Variants in CEP41 observed in about 807,000 individuals in gnomAD.
CEP41 encodes centrosomal protein of 41 kDa.
A neutral mutation model predicts 44.3 loss-of-function variants in CEP41; 32 were observed. The observed-to-expected ratio is 0.72, with a 90% CI of 0.54 to 0.97. CEP41 has a LOEUF of 0.97. Ranked by LOEUF, CEP41 falls within the 50% of genes least tolerant of loss-of-function variation. The pLI, the probability that CEP41 is intolerant of heterozygous loss-of-function variation, is 0.00. For synonymous variants in CEP41, 151 were observed against 168.5 expected (o/e 0.90, Z 0.80); for missense variants, 432 against 455.2 (o/e 0.95, Z 0.46).
At chr7:130,434,083 T>C (rs1797897154) in intron 1 of CEP41, among the ~76,000 whole-genome samples, 1 of 152,238 alleles carries the variant, frequency 6.6e-6, no homozygotes, top group Admixed American at 6.5e-5. Context: ...GAAAAAGTAT[T>C]CCAAGTGGAG....
chr7:130,400,807 G>C lies in CEP41; in HGVS notation c.657C>G (p.Gly219=). 1 of 1,610,528 alleles carries C rather than the reference G, an allele frequency of 6.2e-7. No homozygotes were observed. The highest frequency in any genetic ancestry group is 8.5e-7 in the Non-Finnish European group (1 of 1,177,770). The change falls in exon 9 of 11, where the codon GGC becomes GGG. Residue 219 remains glycine (G), a synonymous_variant. Transcript: ENST00000223208. The stretch of plus-strand genomic sequence containing the variant: ...CATCGTCATACAGAATGATGATCTT[G>C]CCATGGGCATTTTTCTAAGAGTCAG... ...NDILEYKNAH[G]KIIILYDDDE...
intron 10 of CEP41, 132 bp from the exon 11 acceptor site, chr7:130,399,171 A>G (rs1796765492): frequency 8.9e-7 from 1 of 1,120,936 alleles, no homozygotes; most frequent in East Asian, 2.4e-5. Flanking sequence ...TGCAGTATCT[A>G]CTTTAGGCCA....
chr7:130,438,387 C>G (rs1230386135), intron 1 of CEP41, among the ~76,000 whole-genome samples: 1 of 152,000 alleles, frequency 6.6e-6, no homozygotes, highest in African/African-American at 2.4e-5. Context: ...GGTAAAACCG[C>G]ATCTTTACAA....
chr7:130,422,822 T>G (rs956716876), intron 2 of CEP41, among the ~76,000 whole-genome samples: 4 of 152,216 alleles, frequency 2.6e-5, no homozygotes, highest in Non-Finnish European at 4.4e-5. Flanking sequence ...ATGGGGTAGA[T>G]GTACTTAGCT....
At chr7:130,421,092 AATT>A (rs1797495001) in intron 2 of CEP41, 1 of 984,214 alleles carries the variant, frequency 1.0e-6, no homozygotes, top group Non-Finnish European at 1.2e-6. Flanking sequence ...AAAACTTTAC[AATT>A]AGAATCAAGA....
intron 1 of CEP41, among the ~76,000 whole-genome samples, chr7:130,428,771 G>A (rs1797739474): frequency 6.6e-6 from 1 of 151,868 alleles, no homozygotes; most frequent in Admixed American, 6.6e-5. Context: ...AATTAGCTGG[G>A]CATGGTGATG....
intron 2 of CEP41, chr7:130,421,667 A>G (rs1168318746): frequency 1.5e-5 from 16 of 1,084,616 alleles, no homozygotes; most frequent in Non-Finnish European, 1.5e-5. Context: ...AATTTTTAAA[A>G]AGACAAAAAT....
intron 2 of CEP41, 27 bp downstream of exon 2, chr7:130,427,928 A>T (rs781995735): frequency 1.3e-5 from 20 of 1,507,120 alleles, no homozygotes; most frequent in African/African-American, 4.1e-5. Context: ...GATTTTTTTT[A>T]ATTCTAATTT....
At chr7:130,426,158 A>T (rs1554423425) in intron 2 of CEP41, among the ~76,000 whole-genome samples, 1 of 152,264 alleles carries the variant, frequency 6.6e-6, no homozygotes, top group African/African-American at 2.4e-5. Flanking sequence ...GGTAAAGCGT[A>T]CATGGAATCT....
rs1228862466 is a variant in CEP41, at chr7:130,400,344, TG to T, written c.758-91del. On this transcript the variant is annotated intron_variant, in intron 9 of 10. Transcript: ENST00000223208. ...AGAAGCCTGCATGTCTTCTAATCTCTGGTCATCAAGTTGAGGCCAACACAAG... is the reference window on the plus strand; with the variant it reads ...AGAAGCCTGCATGTCTTCTAATCTCTGTCATCAAGTTGAGGCCAACACAAG... 8.8e-6 allele frequency: 8 copies of T among 909,508 alleles called. No homozygotes were observed. In the African/African-American group the frequency reaches 1.3e-4, roughly 15 times the overall value. 56.3% of individuals were successfully genotyped at this position (909,508 alleles called of 1,614,324 possible).
At position 130,411,213 on chromosome 7, in the gene CEP41, T is replaced by C. The variant is rs561809679; in HGVS notation, c.208-22A>G. On this transcript the variant is annotated intron_variant, in intron 4 of 10. Transcript: ENST00000223208. Reference sequence around the variant, plus strand: ...TGATCTGATAGAAAAAAGAATGAAATGTGTGGATGTTTGTTTGTTTTTAAA... The same window carrying C: ...TGATCTGATAGAAAAAAGAATGAAACGTGTGGATGTTTGTTTGTTTTTAAA... 3.1e-4 allele frequency: 488 copies of C among 1,592,174 alleles called. 6 individuals are homozygous for C. The South Asian group carries it at 5.0e-3, about 16-fold the overall frequency.
intron 5 of CEP41, among the ~76,000 whole-genome samples, chr7:130,406,899 C>A (rs1231384962): frequency 1.8e-4 from 28 of 151,662 alleles, no homozygotes; most frequent in Admixed American, 1.8e-3. Flanking sequence ...AGCACACCAA[C>A]ATGGCACATA....
chr7:130,423,801 C>T (rs997617788), intron 2 of CEP41, among the ~76,000 whole-genome samples: 6 of 152,152 alleles, frequency 3.9e-5, no homozygotes, highest in Non-Finnish European at 7.3e-5. Context: ...GAAGAACCGA[C>T]ACATACTACA....
intron 3 of CEP41, among the ~76,000 whole-genome samples, chr7:130,416,300 C>T (rs1797333978): frequency 6.6e-6 from 1 of 152,226 alleles, no homozygotes; most frequent in Non-Finnish European, 1.5e-5. Flanking sequence ...TTGAAGTATA[C>T]ACTTTACATC....
At chr7:130,436,993 C>T (rs1468456924) in intron 1 of CEP41, among the ~76,000 whole-genome samples, 3 of 152,032 alleles carry the variant, frequency 2.0e-5, no homozygotes, top group African/African-American at 4.8e-5. Flanking sequence ...GAGCCGAAAT[C>T]GCACCACTGC....
chr7:130,413,419 A>G (rs576176212), intron 3 of CEP41, among the ~76,000 whole-genome samples: 5 of 152,294 alleles, frequency 3.3e-5, no homozygotes, highest in African/African-American at 1.2e-4. Flanking sequence ...AATCCCAACT[A>G]ATAATACAAA....
At position 130,396,475 on chromosome 7, in the gene CEP41, C is replaced by T. The variant is rs782743235; in HGVS notation, c.*2416G>A. The T allele has an allele frequency of 2.4e-5, 11 of 454,390 alleles. No homozygotes were observed. Among genetic ancestry groups the T allele is most frequent in the Non-Finnish European group, 3.5e-5 (8 of 226,786 alleles). The allele number at this position is 454,390 out of a possible 1,614,324, so 28.1% of individuals were successfully genotyped here. ...GTCTCCTGTGGCTCCCCCAAATCATCTCGACAGAAAAGAAGAGAGAAGTTG... is the reference window on the plus strand; with the variant it reads ...GTCTCCTGTGGCTCCCCCAAATCATTTCGACAGAAAAGAAGAGAGAAGTTG... On this transcript the variant is annotated 3_prime_UTR_variant, in exon 11 of 11. Transcript: ENST00000223208.
intron 4 of CEP41, 88 bp downstream of exon 4, chr7:130,412,091 C>T: frequency 1.2e-6 from 1 of 811,922 alleles, no homozygotes; most frequent in East Asian, 2.4e-5. Context: ...AACTCCTCTG[C>T]AAACTTTCCC....
At position 130,394,414 on chromosome 7, in the gene CEP41, A is replaced by G. The variant is rs1177927499; in HGVS notation, c.*4477T>C. On this transcript the variant is annotated 3_prime_UTR_variant, in exon 11 of 11. Coordinates refer to ENST00000223208, the MANE Select transcript of CEP41 (RefSeq NM_018718.3). ...GGAGCAAAGTAAGCTCTCCACAAAC[A>G]TTGGCTAGTATTATTATTTTCTGGA... is the stretch of plus-strand genomic sequence containing the variant. The G allele has an allele frequency of 6.6e-6, 3 of 454,000 alleles. No individual in the cohort carries two copies. The highest frequency in any genetic ancestry group is 1.3e-5 in the Non-Finnish European group (3 of 226,790). 28.1% of individuals were successfully genotyped at this position (454,000 alleles called of 1,614,324 possible).
Sources: gnomAD v4.1 joint callset for allele counts (sites outside exome capture counted in the v4.1 genomes callset) on GRCh38, gnomAD v4.1.1 for gene constraint, MANE v1.5 for transcripts, NCBI Gene and HGNC (gene_info 2026-07-23, HGNC 2026-07-21) for gene names.